The following CRYBB2 variants were observed in gnomAD, a reference collection of about 807,000 sequenced individuals.
CRYBB2 encodes beta-crystallin B2.
CRYBB2 carries 12 observed loss-of-function variants against 24.3 expected under a neutral mutation model. The ratio of observed to expected loss-of-function variants is 0.49; its 90% confidence interval spans 0.32 to 0.80. The LOEUF (loss-of-function observed/expected upper bound fraction) is 0.80. Among genes scored for constraint, CRYBB2 ranks in the 30% least tolerant of loss-of-function variants. The pLI is 0.04. For synonymous variants in CRYBB2, 98 were observed against 101.6 expected (o/e 0.96, Z 0.21); for missense variants, 198 against 268.5 (o/e 0.74, Z 1.83).
intron 3 of CRYBB2, 121 bp downstream of exon 3, chr22:25,225,157 A>T: frequency 1.3e-6 from 1 of 751,504 alleles, no homozygotes; most frequent in Non-Finnish European, 2.5e-6. Context: ...GGGGTCTGGC[A>T]GCCTATGGAG....
intron 5 of CRYBB2, among the ~76,000 whole-genome samples, chr22:25,230,872 T>C (rs1460058340): frequency 5.3e-5 from 8 of 151,732 alleles, no homozygotes; most frequent in East Asian, 1.9e-4. Flanking sequence ...AAAAGATTCT[T>C]GAGCTGAGAT....
upstream of CRYBB2, among the ~76,000 whole-genome samples, chr22:25,215,963 G>A (rs1935164331): frequency 6.6e-6 from 1 of 152,154 alleles, no homozygotes; most frequent in South Asian, 2.1e-4. Flanking sequence ...TAGTCTCTCT[G>A]AGCCTCAATT....
chr22:25,218,125 G>A (rs1403398433), upstream of CRYBB2, among the ~76,000 whole-genome samples: 3 of 150,932 alleles, frequency 2.0e-5, no homozygotes, highest in South Asian at 2.2e-4. Context: ...CGGGCGTGTT[G>A]GCGGGCGCCT....
At chr22:25,218,582 C>T (rs1175621304), upstream of CRYBB2, among the ~76,000 whole-genome samples, 1 of 147,852 alleles carries the variant, frequency 6.8e-6, no homozygotes, top group African/African-American at 2.5e-5. Flanking sequence ...AGGAGAATCG[C>T]TTGAACCTGG....
intron 4 of CRYBB2, among the ~76,000 whole-genome samples, chr22:25,228,823 A>G (rs1001312632): frequency 2.6e-5 from 4 of 152,264 alleles, no homozygotes; most frequent in African/African-American, 7.2e-5. Context: ...GGAAAATGTC[A>G]TAGGGACAGG....
chr22:25,229,107 G>T (rs543882440), intron 4 of CRYBB2, among the ~76,000 whole-genome samples: 2 of 152,294 alleles, frequency 1.3e-5, no homozygotes, highest in Admixed American at 1.3e-4. Flanking sequence ...ATGTGTGTGT[G>T]TGTGCATGTG....
chr22:25,220,799 G>A (rs771923070), intron 1 of CRYBB2, among the ~76,000 whole-genome samples: 1 of 152,118 alleles, frequency 6.6e-6, no homozygotes, highest in Non-Finnish European at 1.5e-5. Flanking sequence ...TTCTACCGTC[G>A]CACCCATTTC....
chr22:25,230,436 G>A (rs1335129272), intron 5 of CRYBB2, among the ~76,000 whole-genome samples: 28 of 152,166 alleles, frequency 1.8e-4, no homozygotes, highest in African/African-American at 4.8e-4. Context: ...GATTACAGGC[G>A]TGAGCCACTG....
chr22:25,230,645 A>T (rs1395611769), intron 5 of CRYBB2, among the ~76,000 whole-genome samples: 1 of 144,226 alleles, frequency 6.9e-6, no homozygotes, highest in African/African-American at 2.7e-5. Flanking sequence ...CTCCTAAAAT[A>T]GTGTGCAAAG....
intron 2 of CRYBB2, 33 bp downstream of exon 2, chr22:25,221,516 GCTC>G: frequency 6.5e-7 from 1 of 1,544,642 alleles, no homozygotes; most frequent in Non-Finnish European, 9.0e-7. Context: ...GGCATGCAAT[GCTC>G]CTCCCCCAGA....
chr22:25,213,053 T>C (rs1353380340), intron 1 of CRYBB2, among the ~76,000 whole-genome samples: 1 of 152,254 alleles, frequency 6.6e-6, no homozygotes, highest in Non-Finnish European at 1.5e-5. Context: ...TTTTATACAT[T>C]CTATCCTTAT....
At chr22:25,219,515 G>A (rs1054954493), upstream of CRYBB2, 1 of 152,250 alleles carries the variant, frequency 6.6e-6, no homozygotes, top group African/African-American at 2.4e-5. Context: ...TTGCTGACCC[G>A]AGCTTTGGTG....
intron 3 of CRYBB2, among the ~76,000 whole-genome samples, chr22:25,227,588 G>A (rs369689537): frequency 0.016 from 2,428 of 150,044 alleles, 77 homozygotes; most frequent in African/African-American, 0.056. Context: ...TCTATATATT[G>A]GTATTTGTTG....
chr22:25,218,779 GA>G (rs376967033), upstream of CRYBB2, among the ~76,000 whole-genome samples: 304 of 34,426 alleles, frequency 8.8e-3, 20 homozygotes, highest in African/African-American at 0.021. Flanking sequence ...GAGAGAGAGA[GA>G]AGAAAGAAAG....
upstream of CRYBB2, among the ~76,000 whole-genome samples, chr22:25,218,820 A>AAGAAAGAAAAAAAG (rs1935266273): frequency 1.1e-5 from 1 of 91,088 alleles, no homozygotes; most frequent in African/African-American, 5.3e-5. Context: ...GAAAGAAAGA[A>AAGAAAGAAAAAAAG]AGAAAGAAAG....
rs1416183590 is a variant in CRYBB2, at chr22:25,228,068, G to T, written c.306+83G>T. The T allele has an allele frequency of 6.9e-6, 11 of 1,601,244 alleles. No homozygotes were observed. In the African/African-American group the frequency reaches 8.0e-5, roughly 12 times the overall value. Reference sequence around the variant, plus strand: ...TCTGCCACCTTGGAGCTGGAGGTCTGGGGACCAGGAAGGGGCCCGCCCCTC... The same window carrying T: ...TCTGCCACCTTGGAGCTGGAGGTCTTGGGACCAGGAAGGGGCCCGCCCCTC... On this transcript the variant is annotated intron_variant, in intron 4 of 5. Transcript: ENST00000398215.
At chr22:25,222,409 G>A (rs891816322) in intron 2 of CRYBB2, among the ~76,000 whole-genome samples, 11 of 152,244 alleles carry the variant, frequency 7.2e-5, no homozygotes, top group African/African-American at 2.4e-4. Context: ...AGCTCAGGTG[G>A]TCCAGGAGGG....
chr22:25,223,724 G>A (rs544567421), intron 2 of CRYBB2, among the ~76,000 whole-genome samples: 5 of 152,266 alleles, frequency 3.3e-5, no homozygotes, highest in Admixed American at 1.3e-4. Context: ...TGACCGTGTC[G>A]ATTCTGTAGC....
chr22:25,224,086 T>G (rs1019031821), intron 2 of CRYBB2, among the ~76,000 whole-genome samples: 1 of 146,698 alleles, frequency 6.8e-6, no homozygotes, highest in Non-Finnish European at 1.5e-5. Flanking sequence ...ATCGCGCCAC[T>G]GCACTCCAGC....
Sources: gnomAD v4.1 joint callset for allele counts (sites outside exome capture counted in the v4.1 genomes callset) on GRCh38, gnomAD v4.1.1 for gene constraint, MANE v1.5 for transcripts, NCBI Gene and HGNC (gene_info 2026-07-23, HGNC 2026-07-21) for gene names.